PSTPIP2: variants seen among roughly 807,000 people sequenced by gnomAD.
PSTPIP2 encodes proline-serine-threonine phosphatase interacting protein 2, also known as proline-serine-threonine phosphatase-interacting protein 2.
PSTPIP2 carries 33 observed loss-of-function variants against 63.3 expected under a neutral mutation model. The observed-to-expected ratio is 0.52, with a 90% CI of 0.40 to 0.70. The LOEUF (loss-of-function observed/expected upper bound fraction) is 0.70, where lower values mean the gene tolerates loss of function less well. Ranked by LOEUF, PSTPIP2 falls within the 30% of genes least tolerant of loss-of-function variation. The pLI is 0.00. For synonymous variants in PSTPIP2, 125 were observed against 132.7 expected, an observed-to-expected ratio of 0.94 and a Z score of 0.40; for missense variants, 312 against 400.7, an observed-to-expected ratio of 0.78 and a Z score of 1.89.
intron 2 of PSTPIP2, among the ~76,000 whole-genome samples, chr18:46,037,863 G>A (rs116169095): frequency 0.012 from 1,881 of 152,292 alleles, 25 homozygotes; most frequent in African/African-American, 0.041. Flanking sequence ...AAACCCATGG[G>A]AGAAAAGAGA....
intron 1 of PSTPIP2, among the ~76,000 whole-genome samples, chr18:46,067,346 C>CA (rs1440771821): frequency 6.7e-6 from 1 of 149,010 alleles, no homozygotes; most frequent in African/African-American, 2.5e-5. Flanking sequence ...ACTAAAAATA[C>CA]AAAAAAATTA....
intron 4 of PSTPIP2, among the ~76,000 whole-genome samples, chr18:46,014,352 G>A (rs756467497): frequency 3.6e-4 from 55 of 151,738 alleles, no homozygotes; most frequent in Non-Finnish European, 7.2e-4. Flanking sequence ...ATAGCATCCT[G>A]ACCCTGGGAA....
chr18:45,993,812 T>C lies in PSTPIP2; in HGVS notation c.643-109A>G, dbSNP rs575202052. 1.3e-3 allele frequency: 1,173 copies of C among 918,818 alleles called. 3 individuals are homozygous for C. Among genetic ancestry groups the C allele is most frequent in the Non-Finnish European group, 1.7e-3 (999 of 581,526 alleles). The allele number at this position is 918,818 out of a possible 1,614,324, so 56.9% of individuals were successfully genotyped here. A position where few individuals can be genotyped will look rare whatever the true frequency, so the allele number is the denominator to read the frequency against. On this transcript the variant is annotated intron_variant, in intron 9 of 14. Transcript: ENST00000409746. The stretch of plus-strand genomic sequence containing the variant: ...CAACCTTCAGTTATCTGTAAACTTA[T>C]TGTCCAATTTAGAATGCTTCTCCCC...
In PSTPIP2 at chr18:45,988,727, TG is replaced by T; in HGVS notation, c.987del (p.Tyr329Ter). On this transcript the variant is annotated frameshift_variant, in exon 14 of 15. Coordinates refer to ENST00000409746, the MANE Select transcript of PSTPIP2 (RefSeq NM_024430.4). LOFTEE classifies it high-confidence loss of function. ...CATTGATTTTACTGATAGAGCAAAC[TG>T]TAGTCATCAACCAAAGAGTAATTGG... Reference protein sequence around the residue: ...DDPNYSLVDDYSLLYQ With the variant: ...DDPNYSLVDDXSLLYQ The T allele has an allele frequency of 6.4e-7, 1 of 1,563,914 alleles. No homozygotes were observed. Among genetic ancestry groups the T allele is most frequent in the Non-Finnish European group, 8.8e-7 (1 of 1,134,736 alleles).
intron 12 of PSTPIP2, among the ~76,000 whole-genome samples, chr18:45,991,071 A>G (rs1413843642): frequency 2.6e-5 from 4 of 152,214 alleles, no homozygotes; most frequent in Non-Finnish European, 2.9e-5. Context: ...CCGCATCCTC[A>G]TAAGTAAAAT....
chr18:46,013,085 T>A (rs766183633), intron 4 of PSTPIP2, among the ~76,000 whole-genome samples: 1 of 151,088 alleles, frequency 6.6e-6, no homozygotes, highest in Non-Finnish European at 1.5e-5. Flanking sequence ...TAAATATATA[T>A]ATTATTTTAA....
At chr18:46,063,898 T>G (rs926766672) in intron 1 of PSTPIP2, among the ~76,000 whole-genome samples, 11 of 152,188 alleles carry the variant, frequency 7.2e-5, no homozygotes, top group African/African-American at 2.7e-4. Flanking sequence ...ACACTGAGAA[T>G]AGGCCCACTC....
chr18:46,036,044 G>A (rs1907963383), intron 2 of PSTPIP2, among the ~76,000 whole-genome samples: 1 of 151,210 alleles, frequency 6.6e-6, no homozygotes, highest in South Asian at 2.1e-4. Flanking sequence ...CTGATGGAGT[G>A]TTTGTTACTG....
chr18:46,018,374 C>T (rs1227564303), intron 3 of PSTPIP2, among the ~76,000 whole-genome samples: 1 of 151,986 alleles, frequency 6.6e-6, no homozygotes, highest in Non-Finnish European at 1.5e-5. Context: ...ATAATCAAGG[C>T]TTAGAGAGGT....
rs2051634696 is a variant in PSTPIP2, at chr18:45,998,929, A to G, written c.517-90T>C. On this transcript the variant is annotated intron_variant, in intron 7 of 14. Transcript: ENST00000409746. Reference sequence around the variant, plus strand: ...AGGCAAAACAGATTGAAAAGCAGTAACTATGAAGAGACCAGGTCTAGTGCA... The same window carrying G: ...AGGCAAAACAGATTGAAAAGCAGTAGCTATGAAGAGACCAGGTCTAGTGCA... 7.0e-6 allele frequency: 10 copies of G among 1,423,930 alleles called. No homozygotes were observed. In the South Asian group the frequency reaches 1.2e-4, roughly 16 times the overall value. 88.2% of individuals were successfully genotyped at this position (1,423,930 alleles called of 1,614,324 possible).
chr18:46,011,006 T>C, intron 5 of PSTPIP2, 175 bp downstream of exon 5: 1 of 581,622 alleles, frequency 1.7e-6, no homozygotes, highest in Non-Finnish European at 3.1e-6. Flanking sequence ...TGGCCTGGGG[T>C]GTAGAAATGC....
chr18:46,055,803 T>A (rs1908735912), intron 1 of PSTPIP2, among the ~76,000 whole-genome samples: 1 of 152,230 alleles, frequency 6.6e-6, no homozygotes, highest in South Asian at 2.1e-4. Flanking sequence ...TTTGGACTTT[T>A]TTATTAGTAG....
At chr18:46,001,730 C>G (rs2051668892) in intron 6 of PSTPIP2, among the ~76,000 whole-genome samples, 1 of 152,014 alleles carries the variant, frequency 6.6e-6, no homozygotes. Flanking sequence ...GTCTCCCTTT[C>G]ATTATTTTTT....
chr18:46,026,237 TA>T (rs1907573832), intron 2 of PSTPIP2, among the ~76,000 whole-genome samples: 1 of 152,234 alleles, frequency 6.6e-6, no homozygotes, highest in Non-Finnish European at 1.5e-5. Context: ...TGGATATAAA[TA>T]ATCTTTTAAA....
chr18:46,063,982 C>A (rs1472975315), intron 1 of PSTPIP2, among the ~76,000 whole-genome samples: 1 of 152,156 alleles, frequency 6.6e-6, no homozygotes, highest in African/African-American at 2.4e-5. Context: ...TTTTTTCAGT[C>A]ATTCAGTAGG....
intron 1 of PSTPIP2, among the ~76,000 whole-genome samples, chr18:46,058,444 C>T (rs1034510374): frequency 4.6e-5 from 7 of 152,004 alleles, no homozygotes; most frequent in Non-Finnish European, 1.0e-4. Context: ...GCCACCTCCT[C>T]CTCCCGGGTT....
rs551940616 is a variant in PSTPIP2, at chr18:46,033,613, G to A, written c.134+6334C>T. On this transcript the variant is annotated intron_variant, in intron 2 of 14. Transcript: ENST00000409746. ...CTTAGGAGGCTGAGGCAGGAGAATC[G>A]CTTGAACCTGGGAGGTGGAGGTTGC... Among the ~76,000 whole-genome samples, 12 of 151,444 alleles carry A rather than the reference G, an allele frequency of 7.9e-5. No individual in the cohort carries two copies. In the South Asian group the frequency reaches 2.3e-3, roughly 29 times the overall value.
rs71177701 is a variant in PSTPIP2, at chr18:46,057,997, C to CAA, written c.33+14157_33+14158dup. On this transcript the variant is annotated intron_variant, in intron 1 of 14. Coordinates refer to ENST00000409746, the MANE Select transcript of PSTPIP2 (RefSeq NM_024430.4). Reference sequence around the variant, plus strand: ...TGGGTGACAGAGTGAGACTCCGTCTCAAAAAAAAAAAAAAAAAAAAATCAC... The same window carrying CAA: ...TGGGTGACAGAGTGAGACTCCGTCTCAAAAAAAAAAAAAAAAAAAAAAATCAC... Among the ~76,000 whole-genome samples, 12 of 100,542 alleles carry CAA rather than the reference C, an allele frequency of 1.2e-4. 1 individual carries two copies. Among genetic ancestry groups the CAA allele is most frequent in the East Asian group, 3.2e-4 (1 of 3,144 alleles). 66.0% of individuals were successfully genotyped at this position (100,542 alleles called of 152,430 possible).
At chr18:46,006,649 C>T (rs1177325662) in intron 5 of PSTPIP2, among the ~76,000 whole-genome samples, 1 of 152,134 alleles carries the variant, frequency 6.6e-6, no homozygotes, top group East Asian at 1.9e-4. Context: ...GCTGGGATTA[C>T]AGTCATGAGC....
Sources: gnomAD v4.1 joint callset for allele counts (sites outside exome capture counted in the v4.1 genomes callset) on GRCh38, gnomAD v4.1.1 for gene constraint, MANE v1.5 for transcripts, NCBI Gene and HGNC (gene_info 2026-07-23, HGNC 2026-07-21) for gene names.